AHNAK: variants seen among roughly 807,000 people sequenced by gnomAD.
The protein encoded by AHNAK is neuroblast differentiation-associated protein AHNAK.
A neutral mutation model predicts 37.8 loss-of-function variants in AHNAK; 23 were observed. That is an observed-to-expected ratio of 0.61 (90% CI 0.44 to 0.86). AHNAK has a LOEUF of 0.86. Among genes scored for constraint, AHNAK ranks in the 40% least tolerant of loss-of-function variants. The pLI, the probability that AHNAK is intolerant of heterozygous loss-of-function variation, is 0.00. For synonymous variants in AHNAK, 2,481 were observed against 2,636.3 expected (o/e 0.94, Z 1.80); for missense variants, 7,411 against 7,319.4 (o/e 1.01, Z -0.46).
At position 62,526,295 on chromosome 11, in the gene AHNAK, A is replaced by C; in HGVS notation, c.8122T>G (p.Ser2708Ala). ...PEMNIKAPKI[S>A]MPDIDLNLKG... ...AGGTTTAAGTCAATATCAGGCATGG[A>C]GATCTTGGGGGCTTTGATATTCATC... Residue 2708 changes from serine to alanine, a missense_variant, in exon 5 of 5, where the codon TCC becomes GCC. Coordinates refer to ENST00000378024, the MANE Select transcript of AHNAK (RefSeq NM_001620.3). The C allele has an allele frequency of 7.4e-6, 12 of 1,613,734 alleles. No individual in the cohort carries two copies. Among genetic ancestry groups the C allele is most frequent in the Non-Finnish European group, 1.0e-5 (12 of 1,179,972 alleles).
intron 5 of AHNAK, among the ~76,000 whole-genome samples, chr11:62,459,836 G>A (rs779838985): frequency 5.1e-4 from 78 of 152,106 alleles, no homozygotes; most frequent in Non-Finnish European, 9.1e-4. Flanking sequence ...GGCTTTAGAC[G>A]TGTGTACCAC....
intron 5 of AHNAK, among the ~76,000 whole-genome samples, chr11:62,442,625 C>T (rs537332619): frequency 6.6e-6 from 1 of 152,140 alleles, no homozygotes; most frequent in South Asian, 2.1e-4. Context: ...AATCCCAGCA[C>T]TTTGAGAGGC....
intron 5 of AHNAK, among the ~76,000 whole-genome samples, chr11:62,473,137 CTG>C (rs1258609674): frequency 1.0e-4 from 14 of 133,832 alleles, no homozygotes; most frequent in African/African-American, 3.6e-4. Flanking sequence ...TGGCTCATGT[CTG>C]TAATCCCAAC....
rs772985341 is a variant in AHNAK at position 62,519,763 on chromosome 11, A to G, written c.14654T>C (p.Leu4885Pro). The G allele has an allele frequency of 1.9e-6, 3 of 1,613,194 alleles. No homozygotes were observed. The highest frequency in any genetic ancestry group is 2.5e-6 in the Non-Finnish European group (3 of 1,179,560). ...TTCGAAATCCAGACGTGGACCTTTAAGATCTACTTCTGGGCCTTTCAAAGT... is the reference window on the plus strand; with the variant it reads ...TTCGAAATCCAGACGTGGACCTTTAGGATCTACTTCTGGGCCTTTCAAAGT... ...EGTLKGPEVD[L>P]KGPRLDFEGP... The change falls in exon 5 of 5, where the codon CTT becomes CCT. Residue 4885 changes from leucine to proline, a missense_variant. Transcript: ENST00000378024.
At position 62,518,969 on chromosome 11, in the gene AHNAK, T is replaced by C; in HGVS notation, c.15448A>G (p.Ile5150Val). The C allele has an allele frequency of 6.2e-7, 1 of 1,614,190 alleles. No homozygotes were observed. Among genetic ancestry groups the C allele is most frequent in the Non-Finnish European group, 8.5e-7 (1 of 1,180,030 alleles). Residue 5150 changes from isoleucine to valine, a missense_variant, in exon 5 of 5, where the codon ATC (isoleucine) becomes GTC (valine). By Grantham distance (29) the Ile-to-Val change is conservative. Coordinates refer to ENST00000378024, the MANE Select transcript of AHNAK (RefSeq NM_001620.3). ...APKVKMPDVD[I>V]SVPKIEGDLK... ...TCACCCTCTATTTTTGGCACTGAGA[T>C]GTCCACATCTGGCATCTTGACCTTG... is the stretch of plus-strand genomic sequence containing the variant.
At chr11:62,434,713 A>G (rs1489984160) in intron 5 of AHNAK, among the ~76,000 whole-genome samples, 1 of 152,140 alleles carries the variant, frequency 6.6e-6, no homozygotes, top group Non-Finnish European at 1.5e-5. Context: ...GGACCTCCTA[A>G]GGTCAGGAGT....
Position 62,516,531 on chromosome 11 carries a change from G to A in AHNAK, c.*213C>T. 1.4e-6 allele frequency: 2 copies of A among 1,412,032 alleles called. No homozygotes were observed. Among genetic ancestry groups the A allele is most frequent in the Non-Finnish European group, 1.8e-6 (2 of 1,088,944 alleles). 87.5% of individuals were successfully genotyped at this position (1,412,032 alleles called of 1,614,324 possible). A position where few individuals can be genotyped will look rare whatever the true frequency, so the allele number is the denominator to read the frequency against. On this transcript the variant is annotated 3_prime_UTR_variant, in exon 5 of 5. Transcript: ENST00000378024. Reference sequence around the variant, plus strand: ...GGCAAATACTGTTGACTTTGCACATGGGCTGGACGAACTTGGAACTCTTTA... The same window carrying A: ...GGCAAATACTGTTGACTTTGCACATAGGCTGGACGAACTTGGAACTCTTTA...
At chr11:62,513,509 T>G (rs1269385520), downstream of AHNAK, among the ~76,000 whole-genome samples, 1 of 151,392 alleles carries the variant, frequency 6.6e-6, no homozygotes, top group Non-Finnish European at 1.5e-5. Flanking sequence ...CACTCCAGCC[T>G]GGGCAACAAG....
chr11:62,523,175 G>C lies in AHNAK; in HGVS notation c.11242C>G (p.Pro3748Ala). Residue 3748 changes from proline to alanine, a missense_variant, in exon 5 of 5, where the codon CCT becomes GCT. Transcript: ENST00000378024. ...MHLKAPKISM[P>A]DIDLNLKGPK... ...CCCTTCAGGTTTAAATCAATGTCAG[G>C]CATCGATATTTTGGGAGCCTTCAGG... The C allele has an allele frequency of 6.2e-7, 1 of 1,613,586 alleles. No homozygotes were observed. The highest frequency in any genetic ancestry group is 8.5e-7 in the Non-Finnish European group (1 of 1,179,924).
Position 62,533,706 on chromosome 11 carries a change from T to A in AHNAK, c.711A>T (p.Gln237His), listed in dbSNP as rs775134960. 12 of 1,614,022 alleles carry A rather than the reference T, an allele frequency of 7.4e-6. No individual in the cohort carries two copies. The change falls in exon 5 of 5, where the codon CAA (glutamine) becomes CAT (histidine). Residue 237 changes from glutamine to histidine, a missense_variant. Coordinates refer to ENST00000378024, the MANE Select transcript of AHNAK (RefSeq NM_001620.3). ...CCTGGAGCTTCGAGTGGCCAGCACC[T>A]TGGAGCTCTGGTCCTGAAGCAGAAA... The part of the protein sequence containing the change: ...GAISASGPEL[Q>H]GAGHSKLQVT...
At chr11:62,435,655 C>T (rs566809013) in intron 5 of AHNAK, among the ~76,000 whole-genome samples, 4 of 152,238 alleles carry the variant, frequency 2.6e-5, no homozygotes, top group African/African-American at 7.2e-5. Context: ...CCTCGTGATC[C>T]GCCCACCTCG....
At chr11:62,484,291 C>G (rs1939344146) in intron 5 of AHNAK, among the ~76,000 whole-genome samples, 1 of 152,006 alleles carries the variant, frequency 6.6e-6, no homozygotes, top group African/African-American at 2.4e-5. Flanking sequence ...GAGGCTGAGG[C>G]AGGAGGATCA....
intron 5 of AHNAK, among the ~76,000 whole-genome samples, chr11:62,461,078 G>A (rs1242571774): frequency 1.5e-5 from 2 of 135,990 alleles, no homozygotes; most frequent in Admixed American, 8.0e-5. Flanking sequence ...CTCGTGATCC[G>A]CCCGCCTCGG....
chr11:62,506,451 G>A (rs895609488), intron 4 of AHNAK, among the ~76,000 whole-genome samples: 1 of 152,058 alleles, frequency 6.6e-6, no homozygotes, highest in African/African-American at 2.4e-5. Flanking sequence ...AAGCAGGGCC[G>A]GCAGGTGAGG....
At chr11:62,435,563 T>C (rs760920166) in intron 5 of AHNAK, among the ~76,000 whole-genome samples, 47 of 152,122 alleles carry the variant, frequency 3.1e-4, no homozygotes, top group Non-Finnish European at 5.7e-4. Flanking sequence ...CAGGCGCCCG[T>C]CACCTCGCCC....
chr11:62,497,471 A>C (rs1397607514), intron 4 of AHNAK, among the ~76,000 whole-genome samples: 1 of 152,224 alleles, frequency 6.6e-6, no homozygotes, highest in East Asian at 1.9e-4. Context: ...ATGGGTGGAG[A>C]AAAGTGATAC....
intron 5 of AHNAK, among the ~76,000 whole-genome samples, chr11:62,478,496 G>C (rs1939195406): frequency 6.6e-6 from 1 of 152,166 alleles, no homozygotes; most frequent in Non-Finnish European, 1.5e-5. Context: ...AGTTTGGGAG[G>C]CCAAGGTTGG....
At chr11:62,473,231 C>T (rs1343091876) in intron 5 of AHNAK, among the ~76,000 whole-genome samples, 1 of 141,548 alleles carries the variant, frequency 7.1e-6, no homozygotes, top group Non-Finnish European at 1.5e-5. Flanking sequence ...CCTGTCTCTA[C>T]TAAAGACACA....
Position 62,518,345 on chromosome 11 carries a change from C to T in AHNAK, c.16072G>A (p.Val5358Ile), listed in dbSNP as rs769897407. Residue 5358 changes from valine to isoleucine, a missense_variant, in exon 5 of 5, where the codon GTT (valine) becomes ATT (isoleucine). Val to Ile is a conservative substitution (Grantham distance 29). Transcript: ENST00000378024. ...CTCAGTGTCACATCTGGTGCCCCAACGTTAAGCTTTGTTGTGGCATCGATC... is the reference window on the plus strand; with the variant it reads ...CTCAGTGTCACATCTGGTGCCCCAATGTTAAGCTTTGTTGTGGCATCGATC... ...PGIDATTKLNVGAPDVTLRGP... is the reference protein window; with the variant it reads ...PGIDATTKLNIGAPDVTLRGP... 1.1e-5 allele frequency: 18 copies of T among 1,614,070 alleles called. No homozygotes were observed. Among genetic ancestry groups the T allele is most frequent in the African/African-American group, 6.7e-5 (5 of 74,918 alleles).
Sources: allele counts gnomAD v4.1 joint callset (sites outside exome capture counted in the v4.1 genomes callset), GRCh38; gene constraint gnomAD v4.1.1; transcripts MANE v1.5; gene names NCBI Gene and HGNC (gene_info 2026-07-23, HGNC 2026-07-21).